Variants in AGBL4 observed in about 807,000 individuals in gnomAD.
The protein encoded by AGBL4 is AGBL carboxypeptidase 4.
In AGBL4, 58 loss-of-function variants were observed where a neutral mutation model predicts 66.4. The ratio of observed to expected loss-of-function variants is 0.87; its 90% CI spans 0.71 to 1.09. AGBL4 has a LOEUF of 1.09. Among genes scored for constraint, AGBL4 ranks in the 50% least tolerant of loss-of-function variants. The probability of loss-of-function intolerance (pLI) is 0.00; values close to 1 mark genes in which losing one functional copy is unlikely to be tolerated. For synonymous variants in AGBL4, 234 were observed against 222.9 expected (o/e 1.05, Z -0.44); for missense variants, 579 against 631.0 (o/e 0.92, Z 0.88).
chr1:49,178,869 G>C (rs1646877807), intron 4 of AGBL4, among the ~76,000 whole-genome samples: 1 of 152,146 alleles, frequency 6.6e-6, no homozygotes, highest in African/African-American at 2.4e-5. Context: ...CACTAAAGTA[G>C]GTAAAGATTC....
chr1:49,674,614 A>C (rs1180678702), intron 3 of AGBL4, among the ~76,000 whole-genome samples: 1 of 151,224 alleles, frequency 6.6e-6, no homozygotes, highest in African/African-American at 2.4e-5. Context: ...GTTTAACCAC[A>C]CGTAGTTTCA....
chr1:49,847,539 T>C lies in AGBL4; in HGVS notation c.157+3857A>G, dbSNP rs372668684. 1.6e-3 allele frequency among the ~76,000 whole-genome samples: 238 copies of C among 152,290 alleles called. 1 individual carries two copies. Among genetic ancestry groups the C allele is most frequent in the African/African-American group, 4.9e-3 (203 of 41,564 alleles). On this transcript the variant is annotated intron_variant, in intron 2 of 13. Transcript: ENST00000371839. ...GGACAGGGGACTAATATCCAAATTT[T>C]ATCCAATTTTTACAAAAATGTCACA... is the stretch of plus-strand genomic sequence containing the variant.
chr1:48,607,862 T>C (rs1645176518), intron 9 of AGBL4, among the ~76,000 whole-genome samples: 1 of 152,192 alleles, frequency 6.6e-6, no homozygotes, highest in Non-Finnish European at 1.5e-5. Context: ...TCAGGTCCTG[T>C]GTAAAACAGC....
rs74952934 is a variant in AGBL4, at chr1:49,650,990, C to T, written c.282+46323G>A. 2.6e-5 allele frequency among the ~76,000 whole-genome samples: 4 copies of T among 152,260 alleles called. No individual in the cohort carries two copies. In the East Asian group the frequency reaches 7.7e-4, roughly 29 times the overall value. ...GTACCACCTGGGCTTGCAGACAGGGCATGGGCCATCTGCCCTCCGTACACA... is the reference window on the plus strand; with the variant it reads ...GTACCACCTGGGCTTGCAGACAGGGTATGGGCCATCTGCCCTCCGTACACA... On this transcript the variant is annotated intron_variant, in intron 3 of 13. Coordinates refer to ENST00000371839, the MANE Select transcript of AGBL4 (RefSeq NM_032785.4).
At chr1:48,962,013 C>T (rs1658031268) in intron 5 of AGBL4, among the ~76,000 whole-genome samples, 1 of 152,128 alleles carries the variant, frequency 6.6e-6, no homozygotes, top group South Asian at 2.1e-4. Context: ...TTTAGAGGCT[C>T]TGTAAGGATT....
rs551824967 is a variant in AGBL4, at chr1:48,535,817, T to G, written c.1365-901A>C. ...GATTTGGTAGGAGAGGAACTTCTGC[T>G]TGGGTCTCACTTTTCTTTTCTTTAG... On this transcript the variant is annotated intron_variant, in intron 12 of 13. Transcript: ENST00000371839. Among the ~76,000 whole-genome samples, 10 of 152,228 alleles carry G rather than the reference T, an allele frequency of 6.6e-5. 1 individual carries two copies. The highest frequency in any genetic ancestry group is 2.4e-4 in the African/African-American group (10 of 41,554).
At chr1:48,556,282 C>A (rs1000484499) in intron 11 of AGBL4, among the ~76,000 whole-genome samples, 1 of 152,090 alleles carries the variant, frequency 6.6e-6, no homozygotes, top group Non-Finnish European at 1.5e-5. Flanking sequence ...CTTTTCCTTT[C>A]TCTTCCATTC....
chr1:49,687,633 A>G lies in AGBL4; in HGVS notation c.282+9680T>C, dbSNP rs565386917. ...CAAAAATACAAAAAAGTAGTCCAGC[A>G]TGGTGGTGCACTCCTGTAGTAGTAT... is the stretch of plus-strand genomic sequence containing the variant. On this transcript the variant is annotated intron_variant, in intron 3 of 13. Transcript: ENST00000371839. Among the ~76,000 whole-genome samples the G allele has an allele frequency of 2.0e-5, 3 of 152,096 alleles. No individual in the cohort carries two copies. In the East Asian group the frequency reaches 5.8e-4, roughly 30 times the overall value.
chr1:49,613,050 T>TA (rs1645182700), intron 3 of AGBL4, among the ~76,000 whole-genome samples: 1 of 152,030 alleles, frequency 6.6e-6, no homozygotes, highest in South Asian at 2.1e-4. Context: ...TACACAATCA[T>TA]AAAAAAGAAT....
At chr1:48,884,681 G>A (rs1650134636) in intron 5 of AGBL4, among the ~76,000 whole-genome samples, 1 of 152,134 alleles carries the variant, frequency 6.6e-6, no homozygotes, top group Non-Finnish European at 1.5e-5. Flanking sequence ...TTCTTCATCT[G>A]CATATTATAT....
chr1:48,975,783 T>C (rs1382850379), intron 5 of AGBL4, among the ~76,000 whole-genome samples: 1 of 152,150 alleles, frequency 6.6e-6, no homozygotes, highest in African/African-American at 2.4e-5. Context: ...ACTGTTTCTT[T>C]ACCTTCAGTT....
intron 9 of AGBL4, among the ~76,000 whole-genome samples, chr1:48,628,825 A>AC (rs372349666): frequency 3.5e-5 from 3 of 85,680 alleles, no homozygotes; most frequent in Middle Eastern, 7.4e-3. Flanking sequence ...TGGATCACCC[A>AC]CCCCCCACCC....
At chr1:49,439,693 G>T (rs1236782446) in intron 3 of AGBL4, among the ~76,000 whole-genome samples, 2 of 152,114 alleles carry the variant, frequency 1.3e-5, no homozygotes, top group African/African-American at 2.4e-5. Flanking sequence ...ATATAAAGCA[G>T]GCAGAAAAAC....
chr1:49,437,956 G>T (rs1245825883), intron 3 of AGBL4, among the ~76,000 whole-genome samples: 1 of 151,720 alleles, frequency 6.6e-6, no homozygotes, highest in Non-Finnish European at 1.5e-5. Context: ...TTCACAATTG[G>T]ATTTTATTTA....
At position 49,506,675 on chromosome 1, in the gene AGBL4, GT is replaced by G. The variant is rs1218376795; in HGVS notation, c.282+190637del. On this transcript the variant is annotated intron_variant, in intron 3 of 13. Coordinates refer to ENST00000371839, the MANE Select transcript of AGBL4 (RefSeq NM_032785.4). ...TTCTTTATAAATTACCCAGTCTTGG[GT>G]ATGTCTTTATTACCTGTGTAAGAGT... is the stretch of plus-strand genomic sequence containing the variant. 2.7e-4 allele frequency among the ~76,000 whole-genome samples: 41 copies of G among 151,992 alleles called. 1 individual carries two copies. Among genetic ancestry groups the G allele is most frequent in the Non-Finnish European group, 1.0e-4 (7 of 67,986 alleles).
rs1466478180 is a variant in AGBL4, at chr1:48,670,741, CT to C, written c.635-7501del. Among the ~76,000 whole-genome samples the C allele has an allele frequency of 2.6e-5, 4 of 152,318 alleles. No homozygotes were observed. In the East Asian group the frequency reaches 5.8e-4, roughly 22 times the overall value. ...CCTTCCTCAGGCAGGCTCCCTACCC[CT>C]ATCTATCTTGATCCCAGCACCCTAC... On this transcript the variant is annotated intron_variant, in intron 6 of 13. Transcript: ENST00000371839.
intron 3 of AGBL4, among the ~76,000 whole-genome samples, chr1:49,322,415 G>A (rs2148477971): frequency 6.6e-6 from 1 of 152,322 alleles, no homozygotes; most frequent in East Asian, 1.9e-4. Flanking sequence ...TTTTAGCTAT[G>A]TAGTAGGTTG....
At chr1:48,728,373 C>CT (rs11344354) in intron 6 of AGBL4, among the ~76,000 whole-genome samples, 45 of 145,428 alleles carry the variant, frequency 3.1e-4, no homozygotes, top group South Asian at 8.8e-4. Context: ...GAACTTTTGC[C>CT]TTTTTTTTTT....
At chr1:49,881,572 T>A (rs1486027168) in intron 1 of AGBL4, among the ~76,000 whole-genome samples, 1 of 150,434 alleles carries the variant, frequency 6.6e-6, no homozygotes, top group African/African-American at 2.5e-5. Flanking sequence ...TTTTAATGAT[T>A]GCCATTCTAA....
Sources: allele counts gnomAD v4.1 joint callset (sites outside exome capture counted in the v4.1 genomes callset), GRCh38; gene constraint gnomAD v4.1.1; transcripts MANE v1.5; gene names NCBI Gene and HGNC (gene_info 2026-07-23, HGNC 2026-07-21).